The following ODF2 variants were observed in gnomAD, a reference collection of about 807,000 sequenced individuals.
ODF2 encodes the protein outer dense fiber of sperm tails 2.
ODF2 carries 47 observed loss-of-function variants against 110.2 expected under a neutral mutation model. The observed-to-expected ratio is 0.43, with a 90% CI of 0.34 to 0.54. The LOEUF is 0.54. Among genes scored for constraint, ODF2 ranks in the 20% least tolerant of loss-of-function variants. ODF2 has a pLI of 0.03. For missense variants in ODF2, 812 were observed against 1,054.5 expected (o/e 0.77, Z 3.19); for synonymous variants, 352 against 397.7 (o/e 0.89, Z 1.37).
chr9:128,458,443 CA>C (rs1835514402), intron 2 of ODF2, among the ~76,000 whole-genome samples: 1 of 130,668 alleles, frequency 7.7e-6, no homozygotes, highest in East Asian at 2.3e-4. Context: ...GCCTGGGCGA[CA>C]GAGCGAGACT....
At chr9:128,480,355 T>TG (rs1842164139) in intron 8 of ODF2, among the ~76,000 whole-genome samples, 1 of 152,244 alleles carries the variant, frequency 6.6e-6, no homozygotes, top group African/African-American at 2.4e-5. Context: ...TCAATCAAGC[T>TG]GATTAACACA....
chr9:128,497,487 GTATA>G (rs1845861501), intron 18 of ODF2: 2 of 62,256 alleles, frequency 3.2e-5, no homozygotes, highest in Non-Finnish European at 6.3e-5. Flanking sequence ...ATATATATAT[GTATA>G]AAATTAGCCG....
Position 128,498,576 on chromosome 9 carries a change from G to C in ODF2, c.2175+1G>C. ...TGCCATTGAAGATGCGAGGAGGCAGGTCAGTCCCGATTTCATGAATGACTA... is the reference window on the plus strand; with the variant it reads ...TGCCATTGAAGATGCGAGGAGGCAGCTCAGTCCCGATTTCATGAATGACTA... On this transcript the variant is annotated splice_donor_variant, in intron 19 of 20. Transcript: ENST00000604420. LOFTEE classifies it high-confidence loss of function. 6.6e-7 allele frequency: 1 copy of C among 1,521,004 alleles called. No homozygotes were observed. Among genetic ancestry groups the C allele is most frequent in the Non-Finnish European group, 9.0e-7 (1 of 1,108,924 alleles). The allele number at this position is 1,521,004 out of a possible 1,614,324, so 94.2% of individuals were successfully genotyped here. A position where few individuals can be genotyped will look rare whatever the true frequency, so the allele number is the denominator to read the frequency against.
In ODF2 at chr9:128,481,739, G is replaced by T. The variant is rs41301519; in HGVS notation, c.915+88G>T. ...AAAGTGTAGAGGTGCTTGGATCAAG[G>T]CAGGAGGGCTGGAGCATTTCGCTAG... On this transcript the variant is annotated intron_variant, in intron 9 of 20. Transcript: ENST00000604420. 7.9e-3 allele frequency: 8,293 copies of T among 1,054,010 alleles called. 52 individuals carry two copies. The highest frequency in any genetic ancestry group is 0.013 in the Middle Eastern group (62 of 4,878). The allele number at this position is 1,054,010 out of a possible 1,614,324, so 65.3% of individuals were successfully genotyped here. A position where few individuals can be genotyped will look rare whatever the true frequency, so the allele number is the denominator to read the frequency against.
rs1448010837 is a variant in ODF2 at position 128,473,866 on chromosome 9, T to G, written c.843+125T>G. ...CTGAGAGGTCCTTAGAGAGATGTAATGAAATTGTTCACATGAAGTGCTCAG... is the reference window on the plus strand; with the variant it reads ...CTGAGAGGTCCTTAGAGAGATGTAAGGAAATTGTTCACATGAAGTGCTCAG... On this transcript the variant is annotated intron_variant, in intron 8 of 20. Coordinates refer to ENST00000604420, the Ensembl canonical transcript of ODF2. 6 of 859,742 alleles carry G rather than the reference T, an allele frequency of 7.0e-6. No individual in the cohort carries two copies. The highest frequency in any genetic ancestry group is 1.1e-5 in the Non-Finnish European group (6 of 570,450). 53.3% of individuals were successfully genotyped at this position (859,742 alleles called of 1,614,324 possible). A position where few individuals can be genotyped will look rare whatever the true frequency, so the allele number is the denominator to read the frequency against.
At chr9:128,469,018 A>G (rs2131675704) in intron 4 of ODF2, 165 bp from the exon 5 acceptor site, 1 of 584,110 alleles carries the variant, frequency 1.7e-6, no homozygotes, top group East Asian at 2.9e-5. Context: ...TTAAACATGG[A>G]TAGGTAATGT....
intron 8 of ODF2, among the ~76,000 whole-genome samples, chr9:128,475,011 C>T (rs541730654): frequency 5.3e-5 from 8 of 151,886 alleles, no homozygotes; most frequent in Admixed American, 4.6e-4. Flanking sequence ...CAAATATAGT[C>T]GACCCTCTGT....
upstream of ODF2, among the ~76,000 whole-genome samples, chr9:128,455,642 T>G (rs528091168): frequency 2.1e-5 from 3 of 142,290 alleles, no homozygotes; most frequent in Non-Finnish European, 4.5e-5. Context: ...CGACCCTTTC[T>G]CCTGTTGGGG....
chr9:128,497,512 C>T (rs1278351184), intron 18 of ODF2: 3 of 126,078 alleles, frequency 2.4e-5, no homozygotes, highest in African/African-American at 8.8e-5. Context: ...GGCGCAGTGG[C>T]GGGCGCCTGT....
At position 128,457,057 on chromosome 9, in the gene ODF2, T is replaced by C. The variant is rs1268414929; in HGVS notation, c.-208-141T>C. On this transcript the variant is annotated intron_variant, in intron 1 of 20. Transcript: ENST00000604420. ...CGCACGTCCGCCGGCGCCTCAGGTTTCCCCCGGTAGCCACCGGCAGTCCTC... is the reference window on the plus strand; with the variant it reads ...CGCACGTCCGCCGGCGCCTCAGGTTCCCCCCGGTAGCCACCGGCAGTCCTC... 2.3e-6 allele frequency: 3 copies of C among 1,304,968 alleles called. No individual in the cohort carries two copies. In the Admixed American group the frequency reaches 8.4e-5, roughly 36 times the overall value. 80.8% of individuals were successfully genotyped at this position (1,304,968 alleles called of 1,614,324 possible).
chr9:128,471,443 A>T (rs1281077231), exon 6 of ODF2: 12 of 1,613,424 alleles, frequency 7.4e-6, no homozygotes, highest in Non-Finnish European at 9.3e-6. Flanking sequence ...CATCGAGCGC[A>T]TGAAGGAGGA....
exon 21 of ODF2, chr9:128,500,072 C>G: frequency 6.2e-7 from 1 of 1,614,228 alleles, no homozygotes; most frequent in Non-Finnish European, 8.5e-7. Context: ...GTTAGGCGGA[C>G]CGCCGCTACC....
exon 12 of ODF2, chr9:128,484,839 A>G: frequency 6.2e-7 from 1 of 1,614,066 alleles, no homozygotes; most frequent in Non-Finnish European, 8.5e-7. Context: ...GCGAGCCGAG[A>G]AGAGCGAGGA....
chr9:128,487,863 G>A, intron 13 of ODF2, 27 bp from the exon 14 acceptor site: 1 of 1,612,398 alleles, frequency 6.2e-7, no homozygotes. Flanking sequence ...GATTCTCTCT[G>A]TCTGCTTTCA....
intron 1 of ODF2, chr9:128,456,621 C>T (rs1178918118): frequency 1.3e-6 from 2 of 1,507,314 alleles, no homozygotes; most frequent in Admixed American, 4.2e-5. Context: ...CTCTCCCTCG[C>T]TCTGCTGCCC....
chr9:128,496,070 GGC>G lies in ODF2; in HGVS notation c.1943_1944del (p.Ala648GlufsTer12), dbSNP rs775911995. 4.3e-6 allele frequency: 7 copies of G among 1,613,906 alleles called. No individual in the cohort carries two copies. Among genetic ancestry groups the G allele is most frequent in the Non-Finnish European group, 5.1e-6 (6 of 1,180,016 alleles). Reference sequence around the variant, plus strand: ...AACACCAGGGGGACAAGCTGGAGATGGCGAGAGAGAAACATCAGGCTTCCCAG... The same window carrying G: ...AACACCAGGGGGACAAGCTGGAGATGGAGAGAGAAACATCAGGCTTCCCAG... On this transcript the variant is annotated frameshift_variant, in exon 18 of 21. Transcript: ENST00000604420. LOFTEE classifies it high-confidence loss of function.
chr9:128,490,401 G>A (rs1331623842), intron 14 of ODF2, among the ~76,000 whole-genome samples: 8 of 151,818 alleles, frequency 5.3e-5, no homozygotes, highest in Admixed American at 5.3e-4. Context: ...TCCTGCCTCA[G>A]CCTCCCAAGT....
intron 8 of ODF2, 118 bp from the exon 9 acceptor site, chr9:128,481,462 G>T (rs373680688): frequency 4.3e-6 from 3 of 701,658 alleles, no homozygotes; most frequent in Non-Finnish European, 6.8e-6. Context: ...GGGCAACAGA[G>T]TAAGACTCTA....
chr9:128,494,960 C>T lies in ODF2; in HGVS notation c.1911+292C>T. The stretch of plus-strand genomic sequence containing the variant: ...TCTGCCTGTGTGCTCCGCAGCTGTC[C>T]TCAGCTCCACACCCACAGCTGGGAG... On this transcript the variant is annotated intron_variant, in intron 17 of 20. Transcript: ENST00000604420. This position sits in a 1 kb window ranked among gnomAD's most constrained non-coding sequence, Gnocchi z 4.6. The T allele has an allele frequency of 1.3e-6, 1 of 763,782 alleles. No homozygotes were observed. Among genetic ancestry groups the T allele is most frequent in the Non-Finnish European group, 2.0e-6 (1 of 495,782 alleles). 47.3% of individuals were successfully genotyped at this position (763,782 alleles called of 1,614,324 possible).
Sources: gnomAD v4.1 joint callset for allele counts (sites outside exome capture counted in the v4.1 genomes callset) on GRCh38, gnomAD v4.1.1 for gene constraint, Gnocchi (gnomAD v3.1) non-coding constraint, MANE v1.5 for transcripts, NCBI Gene and HGNC (gene_info 2026-07-23, HGNC 2026-07-21) for gene names.